ZNF395: variants seen among roughly 807,000 people sequenced by gnomAD.
ZNF395 encodes the protein HD gene regulatory region-binding protein 2.
Under a neutral mutation model 57.7 loss-of-function variants are expected in ZNF395, and 20 were observed. That is an observed-to-expected ratio of 0.35 (90% CI 0.24 to 0.50). ZNF395 has a LOEUF of 0.50. Among genes scored for constraint, ZNF395 ranks in the 20% least tolerant of loss-of-function variants. The probability of loss-of-function intolerance (pLI) is 0.97; values close to 1 mark genes in which losing one functional copy is unlikely to be tolerated. For synonymous variants in ZNF395, 295 were observed against 275.9 expected (o/e 1.07, Z -0.69); for missense variants, 606 against 671.2 (o/e 0.90, Z 1.07).
rs755719000 is a variant in ZNF395, at chr8:28,353,245, G to C, written c.747C>G (p.Pro249=). The change falls in exon 5 of 10, where the codon CCC becomes CCG. Residue 249 remains proline, a synonymous_variant. Coordinates refer to ENST00000344423, the MANE Select transcript of ZNF395 (RefSeq NM_018660.3). ...CGGTCTCAAAGCCATGATCAGTTTGGGGAGAACCAAAAGCATCCCCCAAAT... is the reference window on the plus strand; with the variant it reads ...CGGTCTCAAAGCCATGATCAGTTTGCGGAGAACCAAAAGCATCCCCCAAAT... The part of the protein sequence containing the change: ...PKYLGDAFGS[P]QTDHGFETDP... The C allele has an allele frequency of 8.7e-6, 14 of 1,613,744 alleles. No individual in the cohort carries two copies. In the South Asian group the frequency reaches 1.3e-4, roughly 15 times the overall value.
At position 28,351,634 on chromosome 8, in the gene ZNF395, G is replaced by C; in HGVS notation, c.1094C>G (p.Ser365Cys). The C allele has an allele frequency of 6.2e-7, 1 of 1,613,536 alleles. No homozygotes were observed. The change falls in exon 7 of 10, where the codon TCT (serine) becomes TGT (cysteine). Residue 365 changes from serine (S) to cysteine (C), a missense_variant. By Grantham distance (112) the Ser-to-Cys change is moderately radical. Around this residue, in one of 3 missense-constraint regions of ZNF395, gnomAD observed 261 missense variants for 240.3 expected, o/e 1.09. Transcript: ENST00000344423. Reference sequence around the variant, plus strand: ...TTTGTGCAGAGGTGGTGGAAGAGCAGACAGAGGCAGGCCAGTCATGCTGGG... The same window carrying C: ...TTTGTGCAGAGGTGGTGGAAGAGCACACAGAGGCAGGCCAGTCATGCTGGG... ...PTPSMTGLPL[S>C]ALPPPLHKAQ...
intron 1 of ZNF395, among the ~76,000 whole-genome samples, chr8:28,366,388 AT>A (rs1403563404): frequency 6.6e-6 from 1 of 152,082 alleles, no homozygotes; most frequent in East Asian, 1.9e-4. Context: ...AATCTATAAC[AT>A]TTTTACTTAA....
chr8:28,385,105 T>C (rs3735727), intron 1 of ZNF395: 29,184 of 152,212 alleles, frequency 0.19, 4,822 homozygotes, highest in African/African-American at 0.44. Flanking sequence ...CCAGGTGTAC[T>C]TTTCTAGAAA....
chr8:28,382,542 T>C (rs750483929), intron 1 of ZNF395, among the ~76,000 whole-genome samples: 9 of 152,104 alleles, frequency 5.9e-5, no homozygotes, highest in Non-Finnish European at 1.3e-4. Context: ...CATCCCAGAC[T>C]TCCTTCCTTG....
At chr8:28,349,804 T>C (rs1801656570) in intron 8 of ZNF395, among the ~76,000 whole-genome samples, 1 of 152,232 alleles carries the variant, frequency 6.6e-6, no homozygotes, top group Admixed American at 6.5e-5. Context: ...GCCTGGTGAT[T>C]TTCTTGGCAA....
chr8:28,376,577 C>T (rs1460681356), intron 1 of ZNF395, among the ~76,000 whole-genome samples: 1 of 151,964 alleles, frequency 6.6e-6, no homozygotes, highest in African/African-American at 2.4e-5. Context: ...GCTGAGATCG[C>T]ACCACTGTAC....
rs1801843162 is a variant in ZNF395, at chr8:28,361,044, C to T, written c.81G>A (p.Gly27=). The T allele has an allele frequency of 1.9e-6, 3 of 1,609,654 alleles. No homozygotes were observed. Among genetic ancestry groups the T allele is most frequent in the East Asian group, 4.5e-5 (2 of 44,860 alleles). Residue 27 remains glycine, a synonymous_variant, in exon 2 of 10, where the codon GGG becomes GGA. Transcript: ENST00000344423. ...ARVLGPSASE[G]PSAAPPSEPL... ...GCTCCGAGGGTGGGGCAGCCGAGGG[C>T]CCCTCCGAGGCACTGGGTCCCAACA... is the stretch of plus-strand genomic sequence containing the variant.
intron 1 of ZNF395, among the ~76,000 whole-genome samples, chr8:28,361,728 T>C (rs566834666): frequency 3.9e-5 from 6 of 152,226 alleles, no homozygotes; most frequent in African/African-American, 1.4e-4. Context: ...GGTCAAAGCC[T>C]GAGGACGTCT....
chr8:28,372,994 G>A, intron 1 of ZNF395, among the ~76,000 whole-genome samples: 1 of 152,064 alleles, frequency 6.6e-6, no homozygotes, highest in Non-Finnish European at 1.5e-5. Context: ...GAAAAGGGAG[G>A]CCCCACTAAC....
At chr8:28,370,769 C>T (rs561207396) in intron 1 of ZNF395, among the ~76,000 whole-genome samples, 1 of 152,314 alleles carries the variant, frequency 6.6e-6, no homozygotes, top group South Asian at 2.1e-4. Context: ...CACACCCCCG[C>T]CACCTCAGGC....
chr8:28,360,345 C>A (rs1801833234), intron 2 of ZNF395, among the ~76,000 whole-genome samples: 1 of 152,188 alleles, frequency 6.6e-6, no homozygotes, highest in African/African-American at 2.4e-5. Flanking sequence ...GTAGAGTCCT[C>A]ATTTAGGAGG....
chr8:28,359,605 C>T lies in ZNF395; in HGVS notation c.460G>A (p.Asp154Asn). 1.2e-6 allele frequency: 2 copies of T among 1,600,220 alleles called. No homozygotes were observed. Among genetic ancestry groups the T allele is most frequent in the Non-Finnish European group, 1.7e-6 (2 of 1,171,520 alleles). The change falls in exon 3 of 10, where the codon GAT (aspartate) becomes AAT (asparagine). Residue 154 changes from aspartate to asparagine, a missense_variant. Physicochemically the swap from Asp to Asn is conservative, Grantham distance 23. This residue lies in a region of ZNF395 where 309 missense variants were observed against 374.7 expected (regional missense o/e 0.82). Transcript: ENST00000344423. This position sits in a 1 kb window ranked among gnomAD's most constrained non-coding sequence, Gnocchi z 4.7. Reference sequence around the variant, plus strand: ...TCCCACACAAACCTCTTTGGGACATCGATGTTCCTGGAGACGGGCCTGTAG... The same window carrying T: ...TCCCACACAAACCTCTTTGGGACATTGATGTTCCTGGAGACGGGCCTGTAG... The part of the protein sequence containing the change: ...LAYRPVSRNI[D>N]VPKRKSDAVE...
In ZNF395 at chr8:28,346,867, G is replaced by C. The variant is rs1338859473; in HGVS notation, c.*1852C>G. On this transcript the variant is annotated 3_prime_UTR_variant, in exon 10 of 10. Coordinates refer to ENST00000344423, the MANE Select transcript of ZNF395 (RefSeq NM_018660.3). Reference sequence around the variant, plus strand: ...CTCTTAATTCTCAAGGAGATCGAAGGGACAGGAAGGAGAGCCCTGCGCCAC... The same window carrying C: ...CTCTTAATTCTCAAGGAGATCGAAGCGACAGGAAGGAGAGCCCTGCGCCAC... The C allele has an allele frequency of 6.6e-6, 1 of 152,090 alleles. No homozygotes were observed. Among genetic ancestry groups the C allele is most frequent in the African/African-American group, 2.4e-5 (1 of 41,404 alleles). The allele number at this position is 152,090 out of a possible 1,614,324, so 9.4% of individuals were successfully genotyped here. A position where few individuals can be genotyped will look rare whatever the true frequency, so the allele number is the denominator to read the frequency against.
chr8:28,356,576 G>T lies in ZNF395; in HGVS notation c.583+94C>A. ...GGTGTCCCTGGACATTCTATTGCCA[G>T]GCTGGTGACATAGGCAACTAGCTGC... On this transcript the variant is annotated intron_variant, in intron 4 of 9. Transcript: ENST00000344423. This position sits in a 1 kb window ranked among gnomAD's most constrained non-coding sequence, Gnocchi z 4.0. The T allele has an allele frequency of 1.2e-6, 1 of 856,050 alleles. No individual in the cohort carries two copies. 53.0% of individuals were successfully genotyped at this position (856,050 alleles called of 1,614,324 possible).
chr8:28,361,527 AC>A (rs1345112021), intron 1 of ZNF395, among the ~76,000 whole-genome samples: 1 of 152,170 alleles, frequency 6.6e-6, no homozygotes, highest in Non-Finnish European at 1.5e-5. Flanking sequence ...TTTAGAAGCC[AC>A]TCAGCATTTT....
At chr8:28,367,197 G>A (rs930969584) in intron 1 of ZNF395, among the ~76,000 whole-genome samples, 4 of 152,176 alleles carry the variant, frequency 2.6e-5, no homozygotes, top group Non-Finnish European at 5.9e-5. Flanking sequence ...TAGACTACCA[G>A]TAAAATTAAA....
In ZNF395 at chr8:28,359,709, A is replaced by G; in HGVS notation, c.356T>C (p.Val119Ala). Residue 119 changes from valine to alanine, a missense_variant, in exon 3 of 10, where the codon GTG becomes GCG. By Grantham distance (64) the Val-to-Ala change is moderately conservative (BLOSUM62 0). This residue lies in a region of ZNF395 where 309 missense variants were observed against 374.7 expected (regional missense o/e 0.82). Coordinates refer to ENST00000344423, the MANE Select transcript of ZNF395 (RefSeq NM_018660.3). This position sits in a 1 kb window ranked among gnomAD's most constrained non-coding sequence, Gnocchi z 4.7. ...LEQKLQVCCRVEEVWLAELQG... is the reference protein window; with the variant it reads ...LEQKLQVCCRAEEVWLAELQG... ...CAGCTCTGCCAGCCACACCTCCTCC[A>G]CCCTGCAGCAGACCTGCAGCTTCTG... 1.2e-6 allele frequency: 2 copies of G among 1,613,960 alleles called. No homozygotes were observed. The highest frequency in any genetic ancestry group is 1.3e-5 in the African/African-American group (1 of 75,002).
intron 1 of ZNF395, among the ~76,000 whole-genome samples, chr8:28,385,630 C>CG (rs958436334): frequency 2.7e-5 from 4 of 149,190 alleles, no homozygotes; most frequent in African/African-American, 9.7e-5. Context: ...CAGAAACGCG[C>CG]GGGGCGCGGG....
At chr8:28,365,337 G>A (rs1010628811) in intron 1 of ZNF395, 2 of 152,208 alleles carry the variant, frequency 1.3e-5, no homozygotes, top group Admixed American at 6.5e-5. Context: ...ATCACTCCGG[G>A]GGTCCTGCCC....
Sources: allele counts gnomAD v4.1 joint callset (sites outside exome capture counted in the v4.1 genomes callset), GRCh38; gene constraint gnomAD v4.1.1; regional missense constraint gnomAD v4.1.1; non-coding constraint Gnocchi (gnomAD v3.1); transcripts MANE v1.5; gene names NCBI Gene and HGNC (gene_info 2026-07-23, HGNC 2026-07-21).